Variants in ARHGDIA observed in about 807,000 individuals in gnomAD.
The protein encoded by ARHGDIA is Rho GDP dissociation inhibitor alpha, also known as rho GDP-dissociation inhibitor 1.
ARHGDIA carries 9 observed loss-of-function variants against 25.0 expected under a neutral mutation model. The observed-to-expected ratio is 0.36, with a 90% confidence interval of 0.22 to 0.63. The LOEUF is 0.63. ARHGDIA is among the 20% of genes least tolerant of loss of function. The pLI, the probability that ARHGDIA is intolerant of heterozygous loss-of-function variation, is 0.69. For missense variants in ARHGDIA, 239 were observed against 264.3 expected (o/e 0.90, Z 0.66); for synonymous variants, 166 against 111.5 (o/e 1.49, Z -3.08).
intron 1 of ARHGDIA, 62 bp from the exon 2 acceptor site, chr17:81,870,019 A>G: frequency 1.3e-6 from 2 of 1,511,002 alleles, no homozygotes; most frequent in Non-Finnish European, 1.8e-6. Flanking sequence ...ACTTCTGAGC[A>G]GGAGTGTGGG....
Position 81,869,562 on chromosome 17 carries a change from G to C in ARHGDIA, c.254C>G (p.Pro85Arg). ...LTLVCSSAPG[P>R]LELDLTGDLE... ...CTCACCCGTCAGGTCCAGCTCCAGG[G>C]GGCCCGGGGCCGAGCTGCACACCAG... is the stretch of plus-strand genomic sequence containing the variant. The change falls in exon 3 of 6, where the codon CCC becomes CGC. Residue 85 changes from proline to arginine, a missense_variant. Physicochemically the swap from Pro to Arg is moderately radical, Grantham distance 103. Coordinates refer to ENST00000269321, the MANE Select transcript of ARHGDIA (RefSeq NM_004309.6). 6.4e-7 allele frequency: 1 copy of C among 1,553,344 alleles called. No individual in the cohort carries two copies.
rs201139992 is a variant in ARHGDIA, at chr17:81,868,835, T to C, written c.*41A>G. The stretch of plus-strand genomic sequence containing the variant: ...TGGGGGGGACACATCCGCCTGTCCG[T>C]CGTCCGTCCGTCAGTCTGCCCTGCC... On this transcript the variant is annotated 3_prime_UTR_variant, in exon 6 of 6. Transcript: ENST00000269321. 10 of 1,612,388 alleles carry C rather than the reference T, an allele frequency of 6.2e-6. No individual in the cohort carries two copies. The Admixed American group carries it at 1.5e-4, about 24-fold the overall frequency.
rs1428576804 is a variant in ARHGDIA at position 81,869,171 on chromosome 17, A to T, written c.415+2T>A. 1 of 1,610,986 alleles carries T rather than the reference A, an allele frequency of 6.2e-7. No individual in the cohort carries two copies. The highest frequency in any genetic ancestry group is 2.2e-5 in the East Asian group (1 of 44,710). The stretch of plus-strand genomic sequence containing the variant: ...CTCTGCCCTGCCCGGGGCCCCACTC[A>T]CTCTTGACGCCTTTCCTGTACGTAT... On this transcript the variant is annotated splice_donor_variant, in intron 5 of 5. Transcript: ENST00000269321. LOFTEE classifies it high-confidence loss of function.
intron 4 of ARHGDIA, 46 bp from the exon 5 acceptor site, chr17:81,869,282 A>T: frequency 6.2e-7 from 1 of 1,613,928 alleles, no homozygotes; most frequent in Non-Finnish European, 8.5e-7. Flanking sequence ...TCCGGACCCC[A>T]GCCCCAGCCC....
chr17:81,870,020 G>A (rs2039239529), intron 1 of ARHGDIA, 63 bp from the exon 2 acceptor site: 4 of 1,507,342 alleles, frequency 2.7e-6, no homozygotes, highest in Non-Finnish European at 3.6e-6. Flanking sequence ...CTTCTGAGCA[G>A]GAGTGTGGGC....
chr17:81,869,037 G>A lies in ARHGDIA; in HGVS notation c.454C>T (p.Arg152Trp). ...TDYMVGSYGP[R>W]AEEYEFLTPV... ...GTCAGGAACTCGTACTCCTCGGCCCGGGGCCCATAGCTGCCTACCATGTAG... is the reference window on the plus strand; with the variant it reads ...GTCAGGAACTCGTACTCCTCGGCCCAGGGCCCATAGCTGCCTACCATGTAG... Residue 152 changes from arginine (R) to tryptophan (W), a missense_variant, in exon 6 of 6, where the codon CGG (arginine) becomes TGG (tryptophan). Arg to Trp is a moderately radical substitution (Grantham distance 101). Around this residue, in one of 3 missense-constraint regions of ARHGDIA, gnomAD observed 75 missense variants for 122.4 expected, o/e 0.61. Transcript: ENST00000269321. 2 of 1,613,450 alleles carry A rather than the reference G, an allele frequency of 1.2e-6. No individual in the cohort carries two copies. Among genetic ancestry groups the A allele is most frequent in the Non-Finnish European group, 1.7e-6 (2 of 1,179,890 alleles).
chr17:81,869,509 C>T (rs749341262), intron 3 of ARHGDIA, 33 bp downstream of exon 3: 1 of 1,606,216 alleles, frequency 6.2e-7, no homozygotes, highest in Non-Finnish European at 8.5e-7. Flanking sequence ...CCACCAGGGG[C>T]CGCCCGGACC....
In ARHGDIA at chr17:81,868,822, A is replaced by G. The variant is rs1350463476; in HGVS notation, c.*54T>C. The stretch of plus-strand genomic sequence containing the variant: ...GGAGGGGAGGGGCTGGGGGGGACAC[A>G]TCCGCCTGTCCGTCGTCCGTCCGTC... On this transcript the variant is annotated 3_prime_UTR_variant, in exon 6 of 6. Transcript: ENST00000269321. 6.2e-7 allele frequency: 1 copy of G among 1,610,778 alleles called. No individual in the cohort carries two copies. The highest frequency in any genetic ancestry group is 8.5e-7 in the Non-Finnish European group (1 of 1,179,036).
At position 81,868,821 on chromosome 17, in the gene ARHGDIA, C is replaced by A. The variant is rs886337329; in HGVS notation, c.*55G>T. 6.2e-7 allele frequency: 1 copy of A among 1,610,192 alleles called. No individual in the cohort carries two copies. The highest frequency in any genetic ancestry group is 8.5e-7 in the Non-Finnish European group (1 of 1,178,854). On this transcript the variant is annotated 3_prime_UTR_variant, in exon 6 of 6. Transcript: ENST00000269321. ...GGGAGGGGAGGGGCTGGGGGGGACACATCCGCCTGTCCGTCGTCCGTCCGT... is the reference window on the plus strand; with the variant it reads ...GGGAGGGGAGGGGCTGGGGGGGACAAATCCGCCTGTCCGTCGTCCGTCCGT...
At chr17:81,869,471 G>GAA in intron 3 of ARHGDIA, 65 bp from the exon 4 acceptor site, 1 of 1,610,576 alleles carries the variant, frequency 6.2e-7, no homozygotes, top group Non-Finnish European at 8.5e-7. Flanking sequence ...AGCCCTGCGC[G>GAA]GCCCCCTGGC....
chr17:81,869,097 G>C, intron 5 of ARHGDIA, 22 bp from the exon 6 acceptor site: 2 of 1,612,726 alleles, frequency 1.2e-6, no homozygotes, highest in Non-Finnish European at 8.5e-7. Context: ...GGAAGAGGGC[G>C]GTCAGCGGCC....
Position 81,869,243 on chromosome 17 carries a change from G to A in ARHGDIA, c.352-7C>T. The stretch of plus-strand genomic sequence containing the variant: ...ACACTATCTCTCGGTTAACCTGCAG[G>A]ACCCGAAGCGAGGATCAGGGAAGGT... On this transcript the variant is annotated splice_polypyrimidine_tract_variant and splice_region_variant and intron_variant, in intron 4 of 5. Transcript: ENST00000269321. 6.2e-7 allele frequency: 1 copy of A among 1,614,082 alleles called. No individual in the cohort carries two copies. Among genetic ancestry groups the A allele is most frequent in the Non-Finnish European group, 8.5e-7 (1 of 1,180,004 alleles).
chr17:81,870,024 T>C lies in ARHGDIA; in HGVS notation c.-27-67A>G, dbSNP rs968143408. On this transcript the variant is annotated intron_variant, in intron 1 of 5. Transcript: ENST00000269321. ...ACGGAGGCGCACTTCTGAGCAGGAG[T>C]GTGGGCTGCAGCCGGAGCTCCAAAA... 10 of 1,480,570 alleles carry C rather than the reference T, an allele frequency of 6.8e-6. No homozygotes were observed. In the African/African-American group the frequency reaches 1.4e-4, roughly 21 times the overall value. The allele number at this position is 1,480,570 out of a possible 1,614,324, so 91.7% of individuals were successfully genotyped here.
intron 1 of ARHGDIA, 27 bp from the exon 2 acceptor site, chr17:81,869,984 G>C: frequency 6.3e-7 from 1 of 1,595,188 alleles, no homozygotes. Flanking sequence ...GACAGGCCTT[G>C]GACCTGGATC....
Position 81,869,129 on chromosome 17 carries a change from C to G in ARHGDIA, c.415+44G>C, listed in dbSNP as rs200342668. 2.7e-5 allele frequency: 44 copies of G among 1,613,442 alleles called. 1 individual carries two copies. In the South Asian group the frequency reaches 4.5e-4, roughly 17 times the overall value. ...GGCCCCGCTTCCCCGCCTGGCAGCA[C>G]GCACCCAAGCGGCCCCCTCTGCCCT... is the stretch of plus-strand genomic sequence containing the variant. On this transcript the variant is annotated intron_variant, in intron 5 of 5. Transcript: ENST00000269321.
Position 81,868,349 on chromosome 17 carries a change from C to G in ARHGDIA, c.*527G>C. The G allele has an allele frequency of 7.0e-7, 1 of 1,429,536 alleles. No homozygotes were observed. The highest frequency in any genetic ancestry group is 9.1e-7 in the Non-Finnish European group (1 of 1,094,218). 88.6% of individuals were successfully genotyped at this position (1,429,536 alleles called of 1,614,324 possible). A position where few individuals can be genotyped will look rare whatever the true frequency, so the allele number is the denominator to read the frequency against. The stretch of plus-strand genomic sequence containing the variant: ...GGAGTTAGAGGCTAGTGAGGCCCCA[C>G]GGTACACTCCACATGTTAAGGCATC... On this transcript the variant is annotated 3_prime_UTR_variant, in exon 6 of 6. Transcript: ENST00000269321.
In ARHGDIA at chr17:81,869,957, C is replaced by T. The variant is rs1490774270; in HGVS notation, c.-27G>A. On this transcript the variant is annotated splice_region_variant and 5_prime_UTR_variant, in exon 2 of 6. In the 5' UTR this introduces an upstream ATG that the reference lacks. Transcript: ENST00000269321. ...CTCAAGCTTAGCCTGGGTCGGGACA[C>T]CTGTGGGCGGGACGGTGACAGGCCT... 1.9e-6 allele frequency: 3 copies of T among 1,609,660 alleles called. No homozygotes were observed. Among genetic ancestry groups the T allele is most frequent in the South Asian group, 2.2e-5 (2 of 90,996 alleles).
intron 1 of ARHGDIA, 106 bp from the exon 2 acceptor site, chr17:81,870,063 G>C (rs939539618): frequency 8.9e-7 from 1 of 1,123,574 alleles, no homozygotes; most frequent in African/African-American, 1.6e-5. Context: ...CTCCAAGGGG[G>C]CCACCTTCGC....
At position 81,868,356 on chromosome 17, in the gene ARHGDIA, C is replaced by G. The variant is rs569592709; in HGVS notation, c.*520G>C. 7.9e-5 allele frequency: 114 copies of G among 1,436,184 alleles called. No individual in the cohort carries two copies. In the African/African-American group the frequency reaches 1.4e-3, roughly 17 times the overall value. The allele number at this position is 1,436,184 out of a possible 1,614,324, so 89.0% of individuals were successfully genotyped here. ...GAGGCTAGTGAGGCCCCACGGTACA[C>G]TCCACATGTTAAGGCATCATGGTTA... On this transcript the variant is annotated 3_prime_UTR_variant, in exon 6 of 6. Transcript: ENST00000269321.
Sources: gnomAD v4.1 joint callset for allele counts on GRCh38, gnomAD v4.1.1 for gene constraint, gnomAD v4.1.1 regional missense constraint, MANE v1.5 for transcripts, NCBI Gene and HGNC (gene_info 2026-07-23, HGNC 2026-07-21) for gene names.